Variants in MRPL48 observed in about 807,000 individuals in gnomAD.
MRPL48 encodes large ribosomal subunit protein mL48.
MRPL48 carries 16 observed loss-of-function variants against 32.9 expected under a neutral mutation model. That is an observed-to-expected ratio of 0.49 (90% CI 0.33 to 0.74). The LOEUF (loss-of-function observed/expected upper bound fraction) is 0.74. Ranked by LOEUF, MRPL48 falls within the 30% of genes least tolerant of loss-of-function variation. The pLI is 0.02. For missense variants in MRPL48, 206 were observed against 245.3 expected (o/e 0.84, Z 1.07); for synonymous variants, 94 against 89.2 (o/e 1.05, Z -0.31).
chr11:73,814,160 A>G (rs1036253832), intron 3 of MRPL48, among the ~76,000 whole-genome samples: 1 of 151,560 alleles, frequency 6.6e-6, no homozygotes, highest in African/African-American at 2.4e-5. Flanking sequence ...TGGGAGGTTG[A>G]GGGGAAGATC....
chr11:73,834,934 C>T (rs905138732), intron 4 of MRPL48, among the ~76,000 whole-genome samples: 4 of 150,638 alleles, frequency 2.7e-5, no homozygotes, highest in African/African-American at 4.9e-5. Context: ...TGAGTTTAAG[C>T]GATCCCCCAG....
At chr11:73,844,569 A>T (rs907584578) in intron 4 of MRPL48, among the ~76,000 whole-genome samples, 1 of 152,214 alleles carries the variant, frequency 6.6e-6, no homozygotes, top group Non-Finnish European at 1.5e-5. Flanking sequence ...CAAGTAATTC[A>T]TGTATTCAAG....
intron 1 of MRPL48, 101 bp downstream of exon 1, chr11:73,788,093 C>T: frequency 7.1e-7 from 1 of 1,398,888 alleles, no homozygotes; most frequent in Admixed American, 2.3e-5. Context: ...GGCGCGCGGA[C>T]ATCCGGGGAT....
At chr11:73,800,190 C>A (rs1191226772) in intron 1 of MRPL48, among the ~76,000 whole-genome samples, 4 of 151,678 alleles carry the variant, frequency 2.6e-5, no homozygotes, top group Non-Finnish European at 5.9e-5. Context: ...AGGAAGATTG[C>A]TTGAGGCCAG....
intron 1 of MRPL48, among the ~76,000 whole-genome samples, chr11:73,801,059 C>T (rs994613258): frequency 3.9e-4 from 59 of 152,228 alleles, no homozygotes; most frequent in African/African-American, 1.3e-3. Context: ...GATCCGCCCA[C>T]CTCGGCCTCC....
chr11:73,788,912 A>G (rs1483880193), intron 1 of MRPL48, among the ~76,000 whole-genome samples: 2 of 152,212 alleles, frequency 1.3e-5, no homozygotes, highest in Admixed American at 1.3e-4. Flanking sequence ...TTTCAATTGT[A>G]TCATGCTGCT....
At chr11:73,799,009 G>A (rs200607379) in intron 1 of MRPL48, among the ~76,000 whole-genome samples, 22 of 123,868 alleles carry the variant, frequency 1.8e-4, no homozygotes, top group African/African-American at 4.0e-4. Flanking sequence ...AAAAAAAAAA[G>A]AAAGAAAAGA....
intron 1 of MRPL48, among the ~76,000 whole-genome samples, chr11:73,794,189 T>TATCTATCC (rs1947204199): frequency 7.6e-6 from 1 of 131,284 alleles, no homozygotes; most frequent in Non-Finnish European, 1.7e-5. Context: ...ACCCTGTATC[T>TATCTATCC]ATCTATCTAT....
At chr11:73,835,794 A>G (rs1191881410) in intron 4 of MRPL48, among the ~76,000 whole-genome samples, 1 of 152,074 alleles carries the variant, frequency 6.6e-6, no homozygotes, top group Non-Finnish European at 1.5e-5. Flanking sequence ...GCTACTCGGG[A>G]GGCTGAGGCA....
intron 5 of MRPL48, among the ~76,000 whole-genome samples, chr11:73,848,018 AT>A (rs759624224): frequency 1.2e-4 from 19 of 152,138 alleles, no homozygotes; most frequent in Non-Finnish European, 2.5e-4. Flanking sequence ...TTTTTCTCTT[AT>A]GGTTTCTGCT....
chr11:73,860,751 A>C (rs1948572542), intron 6 of MRPL48, among the ~76,000 whole-genome samples: 1 of 152,236 alleles, frequency 6.6e-6, no homozygotes, highest in Non-Finnish European at 1.5e-5. Flanking sequence ...ACCAATTTGA[A>C]GTATACAATA....
intron 3 of MRPL48, among the ~76,000 whole-genome samples, chr11:73,818,378 C>T (rs986776312): frequency 1.3e-5 from 2 of 152,170 alleles, no homozygotes; most frequent in African/African-American, 2.4e-5. Context: ...GCTCTCATTA[C>T]AGCATGAATA....
At chr11:73,851,131 C>T (rs1235459245) in intron 5 of MRPL48, 3 of 457,872 alleles carry the variant, frequency 6.6e-6, no homozygotes, top group South Asian at 1.7e-5. Context: ...TCTGTCATCA[C>T]TTGTCCTTAT....
chr11:73,813,166 T>G (rs1947599533), intron 3 of MRPL48, among the ~76,000 whole-genome samples: 1 of 151,672 alleles, frequency 6.6e-6, no homozygotes, highest in Non-Finnish European at 1.5e-5. Flanking sequence ...TCCTAATGAA[T>G]TGCCTATTTA....
intron 4 of MRPL48, among the ~76,000 whole-genome samples, chr11:73,834,025 T>A (rs537732564): frequency 7.2e-5 from 11 of 152,152 alleles, no homozygotes; most frequent in Non-Finnish European, 1.3e-4. Context: ...CCTGGCTAAT[T>A]TTTTGTAAAG....
intron 4 of MRPL48, among the ~76,000 whole-genome samples, chr11:73,826,941 T>A (rs1173746110): frequency 6.6e-6 from 1 of 150,428 alleles, no homozygotes; most frequent in African/African-American, 2.4e-5. Flanking sequence ...CAAGCCTGGC[T>A]AATTTTGTAT....
intron 3 of MRPL48, among the ~76,000 whole-genome samples, chr11:73,821,725 T>A (rs1184357218): frequency 6.6e-6 from 1 of 152,208 alleles, no homozygotes; most frequent in Non-Finnish European, 1.5e-5. Context: ...GCAGGTTCTG[T>A]ATTGCAGGGA....
intron 1 of MRPL48, among the ~76,000 whole-genome samples, chr11:73,792,201 A>G (rs1324405722): frequency 1.3e-5 from 2 of 152,238 alleles, no homozygotes; most frequent in Non-Finnish European, 2.9e-5. Context: ...AGATCAGTGT[A>G]CTGATGATCA....
At chr11:73,845,537 C>T (rs907485079) in intron 5 of MRPL48, among the ~76,000 whole-genome samples, 2 of 152,174 alleles carry the variant, frequency 1.3e-5, no homozygotes, top group African/African-American at 4.8e-5. Flanking sequence ...CTTTGGGAGG[C>T]TAAGGTGGGA....
Sources: gnomAD v4.1 joint callset for allele counts (sites outside exome capture counted in the v4.1 genomes callset) on GRCh38, gnomAD v4.1.1 for gene constraint, MANE v1.5 for transcripts, NCBI Gene and HGNC (gene_info 2026-07-23, HGNC 2026-07-21) for gene names.